Variants in LRFN2 observed in about 807,000 individuals in gnomAD.
LRFN2 encodes leucine rich repeat and fibronectin type III domain containing 2.
A neutral mutation model predicts 37.3 loss-of-function variants in LRFN2; 18 were observed. The observed-to-expected ratio is 0.48, with a 90% CI of 0.33 to 0.72. The LOEUF is 0.72. Among genes scored for constraint, LRFN2 ranks in the 30% least tolerant of loss-of-function variants. LRFN2 has a pLI of 0.02. For missense variants in LRFN2, 1,006 were observed against 1,060.7 expected, an observed-to-expected ratio of 0.95 and a Z score of 0.72; for synonymous variants, 556 against 466.6, an observed-to-expected ratio of 1.19 and a Z score of -2.47.
intron 1 of LRFN2, among the ~76,000 whole-genome samples, chr6:40,542,284 G>A (rs1766567185): frequency 6.6e-6 from 1 of 152,114 alleles, no homozygotes; most frequent in African/African-American, 2.4e-5. Context: ...GATGCAGGCT[G>A]TGAGTTTTCC....
intron 1 of LRFN2, among the ~76,000 whole-genome samples, chr6:40,459,316 T>C (rs1701709853): frequency 2.0e-5 from 3 of 152,098 alleles, no homozygotes; most frequent in Admixed American, 6.6e-5. Context: ...GTCATAAGAG[T>C]AATAGGCCAG....
intron 1 of LRFN2, among the ~76,000 whole-genome samples, chr6:40,474,148 T>C (rs1236420741): frequency 6.6e-6 from 1 of 152,160 alleles, no homozygotes; most frequent in African/African-American, 2.4e-5. Flanking sequence ...CCTTGTGTAT[T>C]TGTTTCCTGG....
chr6:40,434,147 C>T (rs1261706129), intron 1 of LRFN2, among the ~76,000 whole-genome samples: 1 of 152,204 alleles, frequency 6.6e-6, no homozygotes, highest in African/African-American at 2.4e-5. Flanking sequence ...TTTGCTCTAG[C>T]CGTAAAGCCC....
chr6:40,445,542 G>C (rs1477469425), intron 1 of LRFN2, among the ~76,000 whole-genome samples: 1 of 152,198 alleles, frequency 6.6e-6, no homozygotes. Context: ...GCTTGGGCCA[G>C]TTGTCTTAAT....
intron 1 of LRFN2, among the ~76,000 whole-genome samples, chr6:40,455,792 G>T (rs1315681091): frequency 6.6e-6 from 1 of 152,188 alleles, no homozygotes; most frequent in Non-Finnish European, 1.5e-5. Context: ...ACATGACATT[G>T]CAGGGCAGAG....
chr6:40,577,816 A>T (rs371900129), intron 1 of LRFN2, among the ~76,000 whole-genome samples: 14 of 38,236 alleles, frequency 3.7e-4, no homozygotes, highest in South Asian at 2.4e-3. Flanking sequence ...AATAAAAATT[A>T]AAAAAAATAA....
chr6:40,431,638 GC>G, intron 2 of LRFN2, 75 bp downstream of exon 2: 4 of 1,326,416 alleles, frequency 3.0e-6, no homozygotes, highest in Non-Finnish European at 4.1e-6. Context: ...GGTGGGAGCA[GC>G]CCCAAGACCT....
chr6:40,439,894 C>T (rs1257602452), intron 1 of LRFN2, among the ~76,000 whole-genome samples: 2 of 152,004 alleles, frequency 1.3e-5, no homozygotes, highest in Non-Finnish European at 2.9e-5. Flanking sequence ...GTCACAGTTT[C>T]TAATTTGAAG....
chr6:40,558,429 T>C (rs1561907427), intron 1 of LRFN2, among the ~76,000 whole-genome samples: 1 of 152,144 alleles, frequency 6.6e-6, no homozygotes, highest in Non-Finnish European at 1.5e-5. Context: ...GTCCCCAGCG[T>C]TAGAAAGATG....
chr6:40,551,138 C>T (rs543213108), intron 1 of LRFN2, among the ~76,000 whole-genome samples: 1 of 152,222 alleles, frequency 6.6e-6, no homozygotes, highest in East Asian at 1.9e-4. Context: ...AGAGACTAGT[C>T]CAGAGGAACA....
intron 2 of LRFN2, among the ~76,000 whole-genome samples, chr6:40,397,457 AAC>A (rs1225952959): frequency 6.6e-6 from 1 of 152,112 alleles, no homozygotes; most frequent in Non-Finnish European, 1.5e-5. Context: ...CTCCACCTAA[AAC>A]ACAACTCTGG....
In LRFN2 at chr6:40,533,694, C is replaced by T. The variant is rs114853263; in HGVS notation, c.-19+53247G>A. 5.9e-3 allele frequency among the ~76,000 whole-genome samples: 895 copies of T among 152,248 alleles called. 11 individuals are homozygous for T. Among genetic ancestry groups the T allele is most frequent in the African/African-American group, 0.02 (849 of 41,522 alleles). On this transcript the variant is annotated intron_variant, in intron 1 of 2. Coordinates refer to ENST00000338305, the MANE Select transcript of LRFN2 (RefSeq NM_020737.3). ...GTAGCCCTTAGATGTGGGAACTTCA[C>T]ATCCTGATAGAGGAGACTTGACAAA...
chr6:40,572,092 G>A (rs1767199807), intron 1 of LRFN2, among the ~76,000 whole-genome samples: 1 of 152,238 alleles, frequency 6.6e-6, no homozygotes, highest in Admixed American at 6.5e-5. Context: ...CAGCGTGATG[G>A]TTGAGGGTGT....
At chr6:40,516,891 T>C (rs889735946) in intron 1 of LRFN2, among the ~76,000 whole-genome samples, 2 of 152,090 alleles carry the variant, frequency 1.3e-5, no homozygotes, top group African/African-American at 2.4e-5. Flanking sequence ...GCCAGGAAGG[T>C]CTCATCCTCA....
intron 1 of LRFN2, among the ~76,000 whole-genome samples, chr6:40,541,809 G>GC (rs1168158778): frequency 6.6e-6 from 1 of 152,222 alleles, no homozygotes; most frequent in African/African-American, 2.4e-5. Context: ...GGCAGCCACA[G>GC]CCCCCTAGTC....
intron 1 of LRFN2, among the ~76,000 whole-genome samples, chr6:40,525,803 T>C (rs995517264): frequency 6.6e-6 from 1 of 152,156 alleles, no homozygotes; most frequent in Non-Finnish European, 1.5e-5. Context: ...GCCCTGGCTC[T>C]TACAACCTGG....
intron 1 of LRFN2, among the ~76,000 whole-genome samples, chr6:40,519,488 A>G (rs548100466): frequency 6.7e-4 from 102 of 152,340 alleles, no homozygotes; most frequent in African/African-American, 2.3e-3. Flanking sequence ...AGTGGAAGTG[A>G]TGTACAGTTC....
chr6:40,561,291 G>T (rs1369625261), intron 1 of LRFN2, among the ~76,000 whole-genome samples: 1 of 152,166 alleles, frequency 6.6e-6, no homozygotes, highest in African/African-American at 2.4e-5. Flanking sequence ...CTGGGCCCAG[G>T]CCCTCACATG....
chr6:40,418,537 T>G (rs188071556), intron 2 of LRFN2, among the ~76,000 whole-genome samples: 5 of 152,290 alleles, frequency 3.3e-5, no homozygotes, highest in Admixed American at 3.3e-4. Flanking sequence ...ATTTATTGAC[T>G]GAATAAATGA....
Sources: gnomAD v4.1 joint callset for allele counts (sites outside exome capture counted in the v4.1 genomes callset) on GRCh38, gnomAD v4.1.1 for gene constraint, MANE v1.5 for transcripts, NCBI Gene and HGNC (gene_info 2026-07-23, HGNC 2026-07-21) for gene names.